The following DSCAM variants were observed in gnomAD, a reference collection of about 807,000 sequenced individuals.
DSCAM encodes DS cell adhesion molecule.
DSCAM carries 47 observed loss-of-function variants against 217.7 expected under a neutral mutation model. The observed-to-expected ratio is 0.22, with a 90% CI of 0.17 to 0.28. DSCAM has a LOEUF of 0.28. Among genes scored for constraint, DSCAM ranks in the 10% least tolerant of loss-of-function variants. The probability of loss-of-function intolerance (pLI) is 1.00; values close to 1 mark genes in which losing one functional copy is unlikely to be tolerated. For missense variants in DSCAM, 2,080 were observed against 2,618.3 expected (o/e 0.79, Z 4.49); for synonymous variants, 1,056 against 1,015.3 (o/e 1.04, Z -0.76).
At chr21:40,240,954 G>A (rs1201958625) in intron 11 of DSCAM, among the ~76,000 whole-genome samples, 1 of 152,068 alleles carries the variant, frequency 6.6e-6, no homozygotes, top group East Asian at 1.9e-4. Flanking sequence ...ATTGAAACTG[G>A]ACCCCTTCCT....
chr21:40,596,305 T>G (rs2077020960), intron 3 of DSCAM, among the ~76,000 whole-genome samples: 1 of 152,074 alleles, frequency 6.6e-6, no homozygotes. Context: ...AATATAAGAG[T>G]GCTTCCCCTA....
chr21:40,704,351 A>G (rs1042116983), intron 2 of DSCAM, among the ~76,000 whole-genome samples: 3 of 152,188 alleles, frequency 2.0e-5, no homozygotes, highest in African/African-American at 7.2e-5. Context: ...ATATCTTTTC[A>G]TAGCTTGATA....
intron 8 of DSCAM, among the ~76,000 whole-genome samples, chr21:40,333,367 C>G (rs543176299): frequency 6.6e-6 from 1 of 152,068 alleles, no homozygotes; most frequent in Non-Finnish European, 1.5e-5. Flanking sequence ...TTTTACTGAT[C>G]GATCGATTGA....
At chr21:40,704,126 A>T (rs1167616146) in intron 2 of DSCAM, among the ~76,000 whole-genome samples, 1 of 152,202 alleles carries the variant, frequency 6.6e-6, no homozygotes, top group Non-Finnish European at 1.5e-5. Flanking sequence ...TCACCATTAC[A>T]GTATCATACA....
chr21:40,140,821 C>T (rs1192260541), intron 18 of DSCAM, among the ~76,000 whole-genome samples: 3 of 152,056 alleles, frequency 2.0e-5, no homozygotes, highest in Non-Finnish European at 4.4e-5. Flanking sequence ...GCATCTCCCT[C>T]GGTCACTGGT....
At chr21:40,603,231 TC>T (rs2077075629) in intron 3 of DSCAM, among the ~76,000 whole-genome samples, 1 of 152,144 alleles carries the variant, frequency 6.6e-6, no homozygotes, top group African/African-American at 2.4e-5. Context: ...TCTTGAGATG[TC>T]TTTTATAGTC....
At chr21:40,410,572 G>A (rs1019827343) in intron 3 of DSCAM, among the ~76,000 whole-genome samples, 12 of 151,602 alleles carry the variant, frequency 7.9e-5, no homozygotes, top group South Asian at 4.2e-4. Context: ...AAACAACACC[G>A]AGATGCATCA....
chr21:40,645,761 A>G (rs2089938711), intron 3 of DSCAM, among the ~76,000 whole-genome samples: 1 of 152,216 alleles, frequency 6.6e-6, no homozygotes, highest in African/African-American at 2.4e-5. Context: ...TGGTTATTAT[A>G]CAATTATTTT....
At chr21:40,359,651 A>G (rs1443912445) in intron 4 of DSCAM, among the ~76,000 whole-genome samples, 1 of 152,236 alleles carries the variant, frequency 6.6e-6, no homozygotes, top group African/African-American at 2.4e-5. Context: ...AGAGAGAATG[A>G]ATGACTAATA....
chr21:40,449,277 T>C (rs2075700484), intron 3 of DSCAM, among the ~76,000 whole-genome samples: 1 of 152,180 alleles, frequency 6.6e-6, no homozygotes. Context: ...GAATGTAACA[T>C]AACACAAGTT....
intron 18 of DSCAM, among the ~76,000 whole-genome samples, chr21:40,140,026 C>T (rs544265323): frequency 3.0e-4 from 45 of 151,676 alleles, no homozygotes; most frequent in African/African-American, 9.7e-4. Context: ...TGTGTGCGCA[C>T]GTGTATGTGG....
chr21:40,468,346 T>C (rs2075861558), intron 3 of DSCAM, among the ~76,000 whole-genome samples: 1 of 152,040 alleles, frequency 6.6e-6, no homozygotes, highest in Admixed American at 6.6e-5. Flanking sequence ...TGGTTTGTAA[T>C]AAGAAACTAG....
At chr21:40,087,759 C>G (rs1271129857) in intron 21 of DSCAM, among the ~76,000 whole-genome samples, 1 of 152,230 alleles carries the variant, frequency 6.6e-6, no homozygotes, top group African/African-American at 2.4e-5. Context: ...TGTATTATAG[C>G]AAGTTGATCT....
intron 4 of DSCAM, among the ~76,000 whole-genome samples, chr21:40,367,133 T>C (rs1308178245): frequency 6.6e-6 from 1 of 152,192 alleles, no homozygotes; most frequent in South Asian, 2.1e-4. Flanking sequence ...TCTAATGGCC[T>C]TGTGACTCAT....
chr21:40,160,606 T>A (rs2146758033), intron 16 of DSCAM, among the ~76,000 whole-genome samples: 1 of 152,266 alleles, frequency 6.6e-6, no homozygotes, highest in East Asian at 1.9e-4. Context: ...CAGGACCTGG[T>A]CCAATTGTAA....
intron 3 of DSCAM, among the ~76,000 whole-genome samples, chr21:40,440,372 T>C (rs972133078): frequency 4.0e-5 from 6 of 150,992 alleles, no homozygotes; most frequent in Non-Finnish European, 5.9e-5. Context: ...CACATGAGGT[T>C]GCTGAGTGGA....
chr21:40,053,330 C>T (rs530649784), intron 29 of DSCAM, among the ~76,000 whole-genome samples: 2 of 152,328 alleles, frequency 1.3e-5, no homozygotes, highest in East Asian at 3.9e-4. Context: ...GGAGGTCCGG[C>T]CCCGTGGCGG....
chr21:40,456,618 G>A (rs945114850), intron 3 of DSCAM, among the ~76,000 whole-genome samples: 1 of 151,816 alleles, frequency 6.6e-6, no homozygotes, highest in Non-Finnish European at 1.5e-5. Flanking sequence ...AGGTAAAGTC[G>A]ATTGCTATCT....
intron 1 of DSCAM, among the ~76,000 whole-genome samples, chr21:40,809,037 A>G (rs563713325): frequency 6.6e-6 from 1 of 152,196 alleles, no homozygotes; most frequent in Non-Finnish European, 1.5e-5. Context: ...ACAATCTTTG[A>G]TGCCCCTCTT....
Sources: gnomAD v4.1 joint callset for allele counts (sites outside exome capture counted in the v4.1 genomes callset) on GRCh38, gnomAD v4.1.1 for gene constraint, MANE v1.5 for transcripts, NCBI Gene and HGNC (gene_info 2026-07-23, HGNC 2026-07-21) for gene names.